The following GCNT2 variants were observed in gnomAD, a reference collection of about 807,000 sequenced individuals.
The protein encoded by GCNT2 is N-acetyllactosaminide beta-1,6-N-acetylglucosaminyl-transferase.
Under a neutral mutation model 34.2 loss-of-function variants are expected in GCNT2, and 34 were observed. That is an observed-to-expected ratio of 1.00 (90% CI 0.76 to 1.32). The LOEUF (loss-of-function observed/expected upper bound fraction) is 1.32. GCNT2 is among the 40% of genes most tolerant of loss of function. The probability of loss-of-function intolerance (pLI) is 0.00; values close to 1 mark genes in which losing one functional copy is unlikely to be tolerated. For missense variants in GCNT2, 584 were observed against 489.4 expected (o/e 1.19, Z -1.82); for synonymous variants, 212 against 188.0 (o/e 1.13, Z -1.04).
chr6:10,614,568 G>A (rs1765683322), intron 3 of GCNT2, among the ~76,000 whole-genome samples: 2 of 149,370 alleles, frequency 1.3e-5, no homozygotes, highest in African/African-American at 5.0e-5. Context: ...GGAGGTTGCA[G>A]TGAGCTGAGA....
At chr6:10,621,133 G>A (rs1351959064) in intron 3 of GCNT2, among the ~76,000 whole-genome samples, 1 of 152,136 alleles carries the variant, frequency 6.6e-6, no homozygotes, top group Non-Finnish European at 1.5e-5. Context: ...TGAATTAGAT[G>A]TTATACTAAT....
chr6:10,531,676 A>G (rs1043222696), intron 3 of GCNT2, among the ~76,000 whole-genome samples: 1 of 152,162 alleles, frequency 6.6e-6, no homozygotes, highest in East Asian at 1.9e-4. Flanking sequence ...AGGGCTCAGG[A>G]AAGTCTGGTG....
At chr6:10,578,259 T>C (rs1763909582) in intron 3 of GCNT2, among the ~76,000 whole-genome samples, 1 of 151,358 alleles carries the variant, frequency 6.6e-6, no homozygotes, top group Non-Finnish European at 1.5e-5. Flanking sequence ...GACACATCTA[T>C]AATCCCAGCT....
chr6:10,583,164 A>G (rs559623847), intron 3 of GCNT2, among the ~76,000 whole-genome samples: 2 of 152,144 alleles, frequency 1.3e-5, no homozygotes, highest in East Asian at 1.9e-4. Context: ...GGTGATCTCA[A>G]AGATCCCCGC....
chr6:10,563,260 A>C (rs2127387156), intron 3 of GCNT2, among the ~76,000 whole-genome samples: 1 of 152,310 alleles, frequency 6.6e-6, no homozygotes, highest in East Asian at 1.9e-4. Flanking sequence ...CCATTTGTAC[A>C]ATTTTAACTG....
At chr6:10,599,263 C>T (rs12153853) in intron 3 of GCNT2, among the ~76,000 whole-genome samples, 77,155 of 152,044 alleles carry the variant, frequency 0.51, 19,695 homozygotes, top group Admixed American at 0.63. Flanking sequence ...GCGCGTCAGT[C>T]CACGTACTGC....
chr6:10,613,224 C>T (rs7764197), intron 3 of GCNT2, among the ~76,000 whole-genome samples: 25,523 of 152,078 alleles, frequency 0.17, 3,038 homozygotes, highest in African/African-American at 0.34. Flanking sequence ...GTTTAACAAA[C>T]GCAGTTATTT....
intron 3 of GCNT2, among the ~76,000 whole-genome samples, chr6:10,572,215 C>T (rs1253397255): frequency 6.6e-6 from 1 of 152,036 alleles, no homozygotes; most frequent in Non-Finnish European, 1.5e-5. Context: ...ATTTATGTTC[C>T]GCAGAACTGC....
At chr6:10,574,499 A>G (rs1020792193) in intron 3 of GCNT2, among the ~76,000 whole-genome samples, 22 of 152,260 alleles carry the variant, frequency 1.4e-4, no homozygotes, top group African/African-American at 5.1e-4. Flanking sequence ...GATGCTCAAC[A>G]TTATTATTTT....
intron 3 of GCNT2, among the ~76,000 whole-genome samples, chr6:10,570,077 T>C (rs1453199850): frequency 6.6e-6 from 1 of 152,020 alleles, no homozygotes; most frequent in Non-Finnish European, 1.5e-5. Context: ...CATGCGTTCC[T>C]CCCATGCACC....
chr6:10,578,007 C>T (rs1171358203), intron 3 of GCNT2, among the ~76,000 whole-genome samples: 1 of 152,152 alleles, frequency 6.6e-6, no homozygotes, highest in East Asian at 1.9e-4. Context: ...TATTTGTTGT[C>T]TTTTCTCTAA....
intron 1 of GCNT2, among the ~76,000 whole-genome samples, chr6:10,525,126 TTC>T (rs1761125313): frequency 6.6e-6 from 1 of 152,220 alleles, no homozygotes; most frequent in African/African-American, 2.4e-5. Flanking sequence ...TTTTTTCTGC[TTC>T]TCTTTCTACA....
At chr6:10,575,785 A>C (rs960890583) in intron 3 of GCNT2, among the ~76,000 whole-genome samples, 2 of 152,104 alleles carry the variant, frequency 1.3e-5, no homozygotes, top group African/African-American at 4.8e-5. Flanking sequence ...GAGTGATGAC[A>C]TTACCTTGTG....
intron 4 of GCNT2, among the ~76,000 whole-genome samples, chr6:10,622,997 C>T (rs1379972424): frequency 6.6e-6 from 1 of 151,888 alleles, no homozygotes; most frequent in Non-Finnish European, 1.5e-5. Context: ...TCGTGATCTG[C>T]CCCCCTTGGT....
intron 3 of GCNT2, among the ~76,000 whole-genome samples, chr6:10,604,428 A>G (rs542893781): frequency 6.6e-6 from 1 of 152,286 alleles, no homozygotes; most frequent in Non-Finnish European, 1.5e-5. Flanking sequence ...AAAATAAACA[A>G]TTGGCTACTT....
Position 10,626,807 on chromosome 6 carries a change from G to C in GCNT2, c.*200G>C, listed in dbSNP as rs1015323824. 6.9e-6 allele frequency: 4 copies of C among 578,878 alleles called. No individual in the cohort carries two copies. The African/African-American group carries it at 7.5e-5, about 11-fold the overall frequency. The allele number at this position is 578,878 out of a possible 1,614,324, so 35.9% of individuals were successfully genotyped here. ...ACAGGATGGCTGGGTAGAGCAATCT[G>C]GGCACTTTGGCCAATTTTAGTCTTG... On this transcript the variant is annotated 3_prime_UTR_variant, in exon 5 of 5. Coordinates refer to ENST00000495262, the MANE Select transcript of GCNT2 (RefSeq NM_145649.5).
intron 3 of GCNT2, chr6:10,556,097 G>A: frequency 8.1e-7 from 1 of 1,227,778 alleles, no homozygotes; most frequent in East Asian, 4.8e-5. Flanking sequence ...ATCTGCCGGG[G>A]GAAAGAGAGT....
chr6:10,593,161 A>G (rs1242490665), intron 3 of GCNT2, among the ~76,000 whole-genome samples: 2 of 152,234 alleles, frequency 1.3e-5, no homozygotes, highest in South Asian at 2.1e-4. Context: ...TATAAGTACA[A>G]TCATGATTGG....
chr6:10,590,815 G>A, intron 3 of GCNT2, among the ~76,000 whole-genome samples: 1 of 152,144 alleles, frequency 6.6e-6, no homozygotes, highest in Non-Finnish European at 1.5e-5. Context: ...GCCTCCCAAA[G>A]TGCTGGGATT....
Sources: gnomAD v4.1 joint callset for allele counts (sites outside exome capture counted in the v4.1 genomes callset) on GRCh38, gnomAD v4.1.1 for gene constraint, MANE v1.5 for transcripts, NCBI Gene and HGNC (gene_info 2026-07-23, HGNC 2026-07-21) for gene names.